ELAPOR2: variants seen among roughly 807,000 people sequenced by gnomAD.
ELAPOR2 encodes endosome/lysosome-associated apoptosis and autophagy regulator family member 2.
A neutral mutation model predicts 120.7 loss-of-function variants in ELAPOR2; 89 were observed. The observed-to-expected ratio is 0.74, with a 90% CI of 0.62 to 0.88. The LOEUF (loss-of-function observed/expected upper bound fraction) is 0.88. ELAPOR2 is among the 40% of genes least tolerant of loss of function. ELAPOR2 has a pLI of 0.00. For synonymous variants in ELAPOR2, 444 were observed against 444.9 expected (o/e 1.00, Z 0.03); for missense variants, 1,134 against 1,251.6 (o/e 0.91, Z 1.42).
At chr7:87,021,129 GATAGAA>G (rs1794026247) in intron 1 of ELAPOR2, among the ~76,000 whole-genome samples, 1 of 152,086 alleles carries the variant, frequency 6.6e-6, no homozygotes, top group Non-Finnish European at 1.5e-5. Flanking sequence ...GCTAGTAAGT[GATAGAA>G]CTGGGATTTA....
chr7:86,905,353 C>T lies in ELAPOR2; in HGVS notation c.2558+2317G>A, dbSNP rs1198492089. Among the ~76,000 whole-genome samples, 4 of 149,282 alleles carry T rather than the reference C, an allele frequency of 2.7e-5. 1 individual carries two copies. Among genetic ancestry groups the T allele is most frequent in the East Asian group, 3.9e-4 (2 of 5,084 alleles). On this transcript the variant is annotated intron_variant, in intron 18 of 21. Transcript: ENST00000450689. ...AAACCAAAACAAACAAACAAAAAAA[C>T]CTAATAATTTCAGGAAAGCTGCTGT...
rs141839282 is a variant in ELAPOR2 at position 87,028,115 on chromosome 7, C to A, written c.189+31210G>T. Among the ~76,000 whole-genome samples, 5 of 152,180 alleles carry A rather than the reference C, an allele frequency of 3.3e-5. No individual in the cohort carries two copies. In the East Asian group the frequency reaches 9.7e-4, roughly 29 times the overall value. On this transcript the variant is annotated intron_variant, in intron 1 of 21. Coordinates refer to ENST00000450689, the MANE Select transcript of ELAPOR2 (RefSeq NM_001142749.3). ...TACCAAGTAACTATTTTCACTTCCC[C>A]CTTCAGTTACTACCACTTTTCATCC...
intron 19 of ELAPOR2, among the ~76,000 whole-genome samples, chr7:86,894,144 G>C (rs1316653599): frequency 6.6e-6 from 1 of 152,004 alleles, no homozygotes; most frequent in East Asian, 1.9e-4. Flanking sequence ...TACTCACTTT[G>C]GGGAAAAGTT....
chr7:87,036,584 A>G, intron 1 of ELAPOR2, among the ~76,000 whole-genome samples: 1 of 152,242 alleles, frequency 6.6e-6, no homozygotes, highest in East Asian at 1.9e-4. Flanking sequence ...CATATACCCC[A>G]TGGAATACTA....
chr7:86,885,041 G>A (rs144650449), intron 21 of ELAPOR2, among the ~76,000 whole-genome samples: 3,695 of 152,132 alleles, frequency 0.024, 51 homozygotes, highest in South Asian at 0.055. Context: ...TTTACAACGC[G>A]GAAGAAGTTC....
rs566133008 is a variant in ELAPOR2 at position 86,913,128 on chromosome 7, G to A, written c.1808C>T (p.Ser603Leu). 5.0e-6 allele frequency: 8 copies of A among 1,614,080 alleles called. No homozygotes were observed. The highest frequency in any genetic ancestry group is 1.7e-4 in the Middle Eastern group (1 of 6,060). The change falls in exon 14 of 22, where the codon TCA (serine) becomes TTA (leucine). Residue 603 changes from serine to leucine, a missense_variant. Physicochemically the swap from Ser to Leu is moderately radical, Grantham distance 145. Around this residue, in one of 3 missense-constraint regions of ELAPOR2, gnomAD observed 831 missense variants for 867.6 expected, o/e 0.96. Coordinates refer to ENST00000450689, the MANE Select transcript of ELAPOR2 (RefSeq NM_001142749.3). ...AGAACCGAGGGCACAGGCACGGCAT[G>A]AGGACGCCACCCCATCAACTGCATT... ...ATNAVDGVAS[S>L]CRACALGSEQ...
At chr7:86,916,058 A>G (rs1193562523) in intron 12 of ELAPOR2, among the ~76,000 whole-genome samples, 1 of 152,176 alleles carries the variant, frequency 6.6e-6, no homozygotes, top group Non-Finnish European at 1.5e-5. Flanking sequence ...TGAGATCTCC[A>G]AAAGTCCTGT....
Position 87,059,498 on chromosome 7 carries a change from G to A in ELAPOR2, c.16C>T (p.Arg6Trp). 1.7e-6 allele frequency: 2 copies of A among 1,203,380 alleles called. No homozygotes were observed. The highest frequency in any genetic ancestry group is 2.1e-6 in the Non-Finnish European group (2 of 968,934). 74.5% of individuals were successfully genotyped at this position (1,203,380 alleles called of 1,614,324 possible). The change falls in exon 1 of 22, where the codon CGG becomes TGG. Residue 6 changes from arginine (R) to tryptophan (W), a missense_variant. By Grantham distance (101) the Arg-to-Trp change is moderately radical. This residue lies in a region of ELAPOR2 where 280 missense variants were observed against 331.5 expected (regional missense o/e 0.84). Transcript: ENST00000450689. ...CAGCCCCTGCCCCGTACCGGCCCCC[G>A]GGCGCGGAACAGCATCTTCGTCCGG... MLFRA[R>W]GPVRGRGWGR...
At chr7:87,018,665 C>G (rs1329163144) in intron 1 of ELAPOR2, among the ~76,000 whole-genome samples, 2 of 152,100 alleles carry the variant, frequency 1.3e-5, no homozygotes, top group Non-Finnish European at 2.9e-5. Context: ...TGGACACAGA[C>G]AAATACAGAG....
At chr7:86,979,811 G>C (rs1406661840) in intron 1 of ELAPOR2, among the ~76,000 whole-genome samples, 1 of 152,190 alleles carries the variant, frequency 6.6e-6, no homozygotes, top group Non-Finnish European at 1.5e-5. Context: ...GACAGAAGTA[G>C]CTCAGGAGAC....
intron 1 of ELAPOR2, among the ~76,000 whole-genome samples, chr7:87,055,929 A>T (rs559174655): frequency 5.3e-5 from 8 of 152,380 alleles, no homozygotes; most frequent in Admixed American, 1.3e-4. Context: ...CAGTGAACTA[A>T]GAATCAGCTA....
intron 1 of ELAPOR2, among the ~76,000 whole-genome samples, chr7:87,019,633 T>A: frequency 6.6e-6 from 1 of 152,196 alleles, no homozygotes; most frequent in East Asian, 1.9e-4. Flanking sequence ...TAACAGTGAT[T>A]ATGAATAAAA....
chr7:87,012,581 T>G (rs750502284), intron 1 of ELAPOR2, among the ~76,000 whole-genome samples: 16 of 152,214 alleles, frequency 1.1e-4, no homozygotes, highest in Non-Finnish European at 2.2e-4. Flanking sequence ...AACAGATGTC[T>G]GTACACAAAG....
chr7:86,967,434 G>A (rs1014354977), intron 1 of ELAPOR2, among the ~76,000 whole-genome samples: 3 of 152,042 alleles, frequency 2.0e-5, no homozygotes, highest in Admixed American at 2.0e-4. Flanking sequence ...CATCCAGCCT[G>A]GGCAATGGAA....
chr7:86,972,799 T>C (rs887170531), intron 1 of ELAPOR2, among the ~76,000 whole-genome samples: 3 of 151,946 alleles, frequency 2.0e-5, no homozygotes, highest in Non-Finnish European at 2.9e-5. Flanking sequence ...GTGGATGTTA[T>C]ACCCTACACT....
chr7:86,951,444 A>T (rs541210707), intron 2 of ELAPOR2, among the ~76,000 whole-genome samples: 1 of 152,380 alleles, frequency 6.6e-6, no homozygotes, highest in Admixed American at 6.5e-5. Context: ...AAATACAATG[A>T]TGCCATTTTG....
In ELAPOR2 at chr7:86,878,935, A is replaced by T. The variant is rs1398503317; in HGVS notation, c.*1536T>A. Reference sequence around the variant, plus strand: ...AGAATGGTCTAGTGTATTACCAATCAGCCAAATAAACACAATTATTCATTT... The same window carrying T: ...AGAATGGTCTAGTGTATTACCAATCTGCCAAATAAACACAATTATTCATTT... On this transcript the variant is annotated 3_prime_UTR_variant, in exon 22 of 22. Transcript: ENST00000450689. 1 of 152,208 alleles carries T rather than the reference A, an allele frequency of 6.6e-6. No homozygotes were observed. Among genetic ancestry groups the T allele is most frequent in the African/African-American group, 2.4e-5 (1 of 41,462 alleles). 9.4% of individuals were successfully genotyped at this position (152,208 alleles called of 1,614,324 possible).
At chr7:86,921,066 G>C (rs776383182) in intron 10 of ELAPOR2, among the ~76,000 whole-genome samples, 8 of 152,064 alleles carry the variant, frequency 5.3e-5, no homozygotes, top group Non-Finnish European at 1.2e-4. Context: ...AACTGACCCT[G>C]TCTCAGGACA....
intron 11 of ELAPOR2, 68 bp from the exon 12 acceptor site, chr7:86,918,612 C>A: frequency 9.8e-7 from 1 of 1,023,122 alleles, no homozygotes; most frequent in Non-Finnish European, 1.5e-6. Flanking sequence ...AAAATTAAGC[C>A]ACTATTTTTA....
Sources: gnomAD v4.1 joint callset for allele counts (sites outside exome capture counted in the v4.1 genomes callset) on GRCh38, gnomAD v4.1.1 for gene constraint, gnomAD v4.1.1 regional missense constraint, MANE v1.5 for transcripts, NCBI Gene and HGNC (gene_info 2026-07-23, HGNC 2026-07-21) for gene names.